The following GNB4 variants were observed in gnomAD, a reference collection of about 807,000 sequenced individuals.
GNB4 encodes guanine nucleotide-binding protein subunit beta-4.
Under a neutral mutation model 45.2 loss-of-function variants are expected in GNB4, and 28 were observed. That is an observed-to-expected ratio of 0.62 (90% CI 0.46 to 0.85). The LOEUF is 0.85. GNB4 is among the 40% of genes least tolerant of loss of function. The probability of loss-of-function intolerance (pLI) is 0.00; values close to 1 mark genes in which losing one functional copy is unlikely to be tolerated. For missense variants in GNB4, 321 were observed against 425.4 expected, an observed-to-expected ratio of 0.75 and a Z score of 2.16; for synonymous variants, 132 against 143.7, an observed-to-expected ratio of 0.92 and a Z score of 0.58.
chr3:179,485,558 T>A, the GNB4 span, among the ~76,000 whole-genome samples: 1 of 152,296 alleles, frequency 6.6e-6, no homozygotes, highest in Non-Finnish European at 1.5e-5. Flanking sequence ...TAAAGCAGGA[T>A]ATACTTCTCT....
At chr3:179,525,891 G>A in the GNB4 span, among the ~76,000 whole-genome samples, 31,737 of 152,146 alleles carry the variant, frequency 0.21, 3,539 homozygotes, top group Admixed American at 0.31. Context: ...ATCTCCTCAT[G>A]GAGTGAGGGT....
chr3:179,424,079 G>A (rs775691405), intron 2 of GNB4, among the ~76,000 whole-genome samples: 14 of 152,186 alleles, frequency 9.2e-5, no homozygotes, highest in Non-Finnish European at 1.3e-4. Context: ...ACTAAGGTTG[G>A]GAGAACCAAC....
intron 1 of GNB4, among the ~76,000 whole-genome samples, chr3:179,429,976 A>G (rs1715256999): frequency 6.6e-6 from 1 of 152,100 alleles, no homozygotes; most frequent in African/African-American, 2.4e-5. Flanking sequence ...TCAAACATGA[A>G]CTTTTTCAAT....
the GNB4 span, among the ~76,000 whole-genome samples, chr3:179,521,881 C>G: frequency 7.2e-5 from 11 of 152,184 alleles, 1 homozygote; most frequent in African/African-American, 2.7e-4. Context: ...AACAACCCCG[C>G]AATATCACCC....
the GNB4 span, among the ~76,000 whole-genome samples, chr3:179,494,270 A>C: frequency 6.6e-6 from 1 of 151,482 alleles, no homozygotes; most frequent in Non-Finnish European, 1.5e-5. Flanking sequence ...AGGAAGAAAG[A>C]AAGAAAGAGA....
the GNB4 span, among the ~76,000 whole-genome samples, chr3:179,462,598 G>A: frequency 1.3e-5 from 2 of 152,158 alleles, no homozygotes; most frequent in Non-Finnish European, 2.9e-5. Context: ...TAGCACTTTG[G>A]GAGGCCGAGG....
the GNB4 span, among the ~76,000 whole-genome samples, chr3:179,478,207 C>T: frequency 2.0e-5 from 3 of 152,166 alleles, no homozygotes; most frequent in Non-Finnish European, 4.4e-5. Context: ...CAACATTAAA[C>T]TATTCATGAG....
At chr3:179,489,091 A>G in the GNB4 span, among the ~76,000 whole-genome samples, 1 of 133,564 alleles carries the variant, frequency 7.5e-6, no homozygotes, top group Non-Finnish European at 1.6e-5. Flanking sequence ...ATTTGAAATT[A>G]TTTATTTTAT....
At chr3:179,445,887 GAACA>G (rs1484007307) in intron 1 of GNB4, among the ~76,000 whole-genome samples, 1 of 152,112 alleles carries the variant, frequency 6.6e-6, no homozygotes, top group African/African-American at 2.4e-5. Flanking sequence ...CACAGTATAT[GAACA>G]AACCCTGCTA....
the GNB4 span, among the ~76,000 whole-genome samples, chr3:179,506,280 A>G: frequency 6.6e-6 from 1 of 152,082 alleles, no homozygotes; most frequent in Non-Finnish European, 1.5e-5. Flanking sequence ...GGAGGCTGCA[A>G]TGAGCTGAGA....
intron 1 of GNB4, among the ~76,000 whole-genome samples, chr3:179,432,922 G>A (rs1324294168): frequency 1.3e-5 from 2 of 152,138 alleles, no homozygotes; most frequent in African/African-American, 4.8e-5. Context: ...AAAGTGGAGG[G>A]GGGGTGGAAA....
chr3:179,413,753 A>G lies in GNB4; in HGVS notation c.459T>C (p.Asp153=), dbSNP rs1293228065. The change falls in exon 7 of 10, where the codon GAT becomes GAC. Residue 153 remains aspartate (D), a synonymous_variant. Coordinates refer to ENST00000232564, the MANE Select transcript of GNB4 (RefSeq NM_021629.4). The part of the protein sequence containing the change: ...TGYLSCCRFL[D]DSQIVTSSGD... ...CTGAACTTGTAACAATTTGGCTGTC[A>G]TCTAAAAAACGACAGCAGGACAAGT... 6.2e-7 allele frequency: 1 copy of G among 1,614,052 alleles called. No individual in the cohort carries two copies. Among genetic ancestry groups the G allele is most frequent in the Non-Finnish European group, 8.5e-7 (1 of 1,180,016 alleles).
At position 179,397,451 on chromosome 3, in the gene GNB4, G is replaced by A. The variant is rs1214793680; in HGVS notation, c.*3762C>T. 1 of 152,170 alleles carries A rather than the reference G, an allele frequency of 6.6e-6. No individual in the cohort carries two copies. The highest frequency in any genetic ancestry group is 1.5e-5 in the Non-Finnish European group (1 of 68,022). 9.4% of individuals were successfully genotyped at this position (152,170 alleles called of 1,614,324 possible). On this transcript the variant is annotated 3_prime_UTR_variant, in exon 10 of 10. Coordinates refer to ENST00000232564, the MANE Select transcript of GNB4 (RefSeq NM_021629.4). ...TGAAATTCTGTAACATATTCTAGAAGCACCTACATCCATTATTTCCAGGAG... is the reference window on the plus strand; with the variant it reads ...TGAAATTCTGTAACATATTCTAGAAACACCTACATCCATTATTTCCAGGAG...
chr3:179,479,217 G>A, the GNB4 span, among the ~76,000 whole-genome samples: 7 of 152,070 alleles, frequency 4.6e-5, no homozygotes, highest in Admixed American at 6.5e-5. Context: ...ATCAAGTTGC[G>A]TATGTACTAG....
the GNB4 span, among the ~76,000 whole-genome samples, chr3:179,472,341 TCTTTCCTTTC>T: frequency 6.6e-6 from 1 of 150,510 alleles, no homozygotes; most frequent in Non-Finnish European, 1.5e-5. Context: ...TTTTTCTTTT[TCTTTCCTTTC>T]CTTTCCTTTT....
chr3:179,412,715 T>G (rs569258300), intron 8 of GNB4, among the ~76,000 whole-genome samples: 4 of 152,288 alleles, frequency 2.6e-5, no homozygotes, highest in African/African-American at 7.2e-5. Context: ...ACTAATCAGC[T>G]GCTTTTTTCA....
chr3:179,495,804 A>T, the GNB4 span, among the ~76,000 whole-genome samples: 1 of 152,186 alleles, frequency 6.6e-6, no homozygotes, highest in Admixed American at 6.5e-5. Context: ...GAGTGGAATA[A>T]TATATTTGAA....
At chr3:179,445,816 C>A (rs909155282) in intron 1 of GNB4, among the ~76,000 whole-genome samples, 1 of 152,150 alleles carries the variant, frequency 6.6e-6, no homozygotes, top group Non-Finnish European at 1.5e-5. Flanking sequence ...GTAAGACAAG[C>A]ATCTCAGTGG....
chr3:179,524,126 A>C, the GNB4 span, among the ~76,000 whole-genome samples: 1 of 152,194 alleles, frequency 6.6e-6, no homozygotes, highest in Non-Finnish European at 1.5e-5. Flanking sequence ...ACCCTCCACT[A>C]TAAGAGTTAT....
Sources: allele counts gnomAD v4.1 joint callset (sites outside exome capture counted in the v4.1 genomes callset), GRCh38; gene constraint gnomAD v4.1.1; transcripts MANE v1.5; gene names NCBI Gene and HGNC (gene_info 2026-07-23, HGNC 2026-07-21).